The following PPP3CA variants were observed in gnomAD, a reference collection of about 807,000 sequenced individuals.
PPP3CA encodes the protein protein phosphatase 3 catalytic subunit alpha, also known as CAM-PRP catalytic subunit.
A neutral mutation model predicts 66.5 loss-of-function variants in PPP3CA; 14 were observed. The observed-to-expected ratio is 0.21, with a 90% confidence interval of 0.14 to 0.33. PPP3CA has a LOEUF of 0.33. Ranked by LOEUF, PPP3CA falls within the 10% of genes least tolerant of loss-of-function variation. PPP3CA has a pLI of 1.00. For missense variants in PPP3CA, 317 were observed against 639.5 expected (o/e 0.50, Z 5.44); for synonymous variants, 232 against 226.2 (o/e 1.03, Z -0.23).
chr4:101,109,135 A>C, intron 2 of PPP3CA, 57 bp from the exon 3 acceptor site: 1 of 1,493,934 alleles, frequency 6.7e-7, no homozygotes, highest in Non-Finnish European at 9.1e-7. Context: ...TGAATTAAAT[A>C]ATAAAATTAC....
intron 1 of PPP3CA, among the ~76,000 whole-genome samples, chr4:101,229,718 T>C (rs1434414433): frequency 6.6e-6 from 1 of 151,628 alleles, no homozygotes; most frequent in Non-Finnish European, 1.5e-5. Flanking sequence ...AGTTAACTGT[T>C]CCCTTCTGTA....
At chr4:101,311,083 C>T (rs1399026169) in intron 1 of PPP3CA, among the ~76,000 whole-genome samples, 2 of 152,178 alleles carry the variant, frequency 1.3e-5, no homozygotes, top group African/African-American at 4.8e-5. Flanking sequence ...AAGAATCCTT[C>T]ACTTCAGGGT....
intron 2 of PPP3CA, among the ~76,000 whole-genome samples, chr4:101,149,352 C>A (rs1347558976): frequency 1.3e-5 from 2 of 152,068 alleles, no homozygotes; most frequent in East Asian, 3.8e-4. Context: ...GGTTAACAAA[C>A]CAATGTATGT....
At chr4:101,326,216 GTCC>G (rs1187662808) in intron 1 of PPP3CA, among the ~76,000 whole-genome samples, 4 of 152,142 alleles carry the variant, frequency 2.6e-5, no homozygotes, top group African/African-American at 7.2e-5. Flanking sequence ...TGGGTTAACT[GTCC>G]TCCTAACTCC....
At chr4:101,042,575 T>A (rs555881673) in intron 10 of PPP3CA, among the ~76,000 whole-genome samples, 1 of 152,180 alleles carries the variant, frequency 6.6e-6, no homozygotes, top group Non-Finnish European at 1.5e-5. Flanking sequence ...TCACTGTAAG[T>A]TCCTTGAATT....
intron 1 of PPP3CA, among the ~76,000 whole-genome samples, chr4:101,275,146 C>T (rs1024056503): frequency 1.3e-5 from 2 of 152,144 alleles, no homozygotes; most frequent in African/African-American, 4.8e-5. Flanking sequence ...ATTCTTGCCA[C>T]GAAGAACATC....
Position 101,025,686 on chromosome 4 carries a change from A to C in PPP3CA, c.*179T>G. The stretch of plus-strand genomic sequence containing the variant: ...CACCATCCCCACCAAAATATAGTTT[A>C]TTATCTCTCTCCCTCTTTTTTAATG... On this transcript the variant is annotated 3_prime_UTR_variant, in exon 14 of 14. Transcript: ENST00000394854. The C allele has an allele frequency of 4.1e-6, 2 of 490,282 alleles. No homozygotes were observed. The highest frequency in any genetic ancestry group is 7.0e-6 in the Non-Finnish European group (2 of 286,266). The allele number at this position is 490,282 out of a possible 1,614,324, so 30.4% of individuals were successfully genotyped here.
intron 1 of PPP3CA, among the ~76,000 whole-genome samples, chr4:101,253,872 G>C (rs1451774042): frequency 6.6e-6 from 1 of 151,956 alleles, no homozygotes; most frequent in Non-Finnish European, 1.5e-5. Flanking sequence ...AGTAGAAATT[G>C]ATTCCAGTTT....
Position 101,025,505 on chromosome 4 carries a change from A to G in PPP3CA, c.*360T>C, listed in dbSNP as rs1411804913. 1 of 163,770 alleles carries G rather than the reference A, an allele frequency of 6.1e-6. No homozygotes were observed. Among genetic ancestry groups the G allele is most frequent in the African/African-American group, 2.4e-5 (1 of 41,874 alleles). 10.1% of individuals were successfully genotyped at this position (163,770 alleles called of 1,614,324 possible). A position where few individuals can be genotyped will look rare whatever the true frequency, so the allele number is the denominator to read the frequency against. On this transcript the variant is annotated 3_prime_UTR_variant, in exon 14 of 14. Coordinates refer to ENST00000394854, the MANE Select transcript of PPP3CA (RefSeq NM_000944.5). ...AGTTTTCATGTCCAGTAACAGAATA[A>G]AAGGCCTTTCATTAACCTATCTAGA...
intron 4 of PPP3CA, 63 bp from the exon 5 acceptor site, chr4:101,098,575 T>C: frequency 6.7e-7 from 1 of 1,485,498 alleles, no homozygotes; most frequent in Non-Finnish European, 9.0e-7. Context: ...CTGAAATAGT[T>C]TTGGTTTTTT....
chr4:101,111,457 A>G (rs575369769), intron 2 of PPP3CA, among the ~76,000 whole-genome samples: 12 of 152,294 alleles, frequency 7.9e-5, no homozygotes, highest in African/African-American at 2.4e-4. Context: ...AAGCTCAGGG[A>G]CAACAGGAAG....
At chr4:101,031,503 C>T (rs1022193810) in intron 12 of PPP3CA, among the ~76,000 whole-genome samples, 2 of 151,980 alleles carry the variant, frequency 1.3e-5, no homozygotes, top group African/African-American at 4.8e-5. Context: ...AGCCACTAGC[C>T]TCCTGGCTTA....
chr4:101,260,047 A>G (rs1726963626), intron 1 of PPP3CA, among the ~76,000 whole-genome samples: 1 of 152,132 alleles, frequency 6.6e-6, no homozygotes, highest in Admixed American at 6.6e-5. Context: ...TAGCAAGGTG[A>G]CCAGTTTAGA....
intron 13 of PPP3CA, 26 bp from the exon 14 acceptor site, chr4:101,026,087 A>G (rs750565623): frequency 6.4e-7 from 1 of 1,557,658 alleles, no homozygotes; most frequent in South Asian, 1.2e-5. Context: ...TTAAAAAAAG[A>G]AAACCAGGAT....
At chr4:101,318,033 C>T (rs1390232615) in intron 1 of PPP3CA, among the ~76,000 whole-genome samples, 1 of 152,186 alleles carries the variant, frequency 6.6e-6, no homozygotes, top group Non-Finnish European at 1.5e-5. Context: ...TTTCTCACTT[C>T]TCTTAAAAAA....
chr4:101,133,333 T>C (rs1722510707), intron 2 of PPP3CA, among the ~76,000 whole-genome samples: 2 of 152,310 alleles, frequency 1.3e-5, no homozygotes, highest in Middle Eastern at 6.8e-3. Context: ...ACGACAAGAT[T>C]GTATATTTAG....
chr4:101,190,602 G>T (rs1429524194), intron 2 of PPP3CA, among the ~76,000 whole-genome samples: 1 of 152,216 alleles, frequency 6.6e-6, no homozygotes, highest in East Asian at 1.9e-4. Flanking sequence ...TTACCACTCA[G>T]CTCACTGATA....
chr4:101,324,658 G>A (rs776907863), intron 1 of PPP3CA, among the ~76,000 whole-genome samples: 7 of 151,492 alleles, frequency 4.6e-5, no homozygotes, highest in Non-Finnish European at 8.8e-5. Context: ...GCCTCCCTCA[G>A]TGTAACTCTT....
intron 1 of PPP3CA, among the ~76,000 whole-genome samples, chr4:101,320,681 C>T (rs1406739294): frequency 2.6e-5 from 4 of 152,106 alleles, no homozygotes; most frequent in Non-Finnish European, 5.9e-5. Context: ...TCATTCCAAA[C>T]TTGAGTTAAA....
Sources: allele counts gnomAD v4.1 joint callset (sites outside exome capture counted in the v4.1 genomes callset), GRCh38; gene constraint gnomAD v4.1.1; transcripts MANE v1.5; gene names NCBI Gene and HGNC (gene_info 2026-07-23, HGNC 2026-07-21).